Variants in AKAP6 observed in about 807,000 individuals in gnomAD.
AKAP6 encodes the protein A-kinase anchor protein 6.
In AKAP6, 58 loss-of-function variants were observed where a neutral mutation model predicts 188.5. That is an observed-to-expected ratio of 0.31 (90% CI 0.25 to 0.38). The LOEUF (loss-of-function observed/expected upper bound fraction) is 0.38, where lower values mean the gene tolerates loss of function less well. AKAP6 is among the 10% of genes least tolerant of loss of function. AKAP6 has a pLI of 1.00. For synonymous variants in AKAP6, 989 were observed against 998.6 expected, an observed-to-expected ratio of 0.99 and a Z score of 0.18; for missense variants, 2,710 against 2,740.0, an observed-to-expected ratio of 0.99 and a Z score of 0.24.
At chr14:32,753,172 C>A (rs746239976) in intron 11 of AKAP6, among the ~76,000 whole-genome samples, 21 of 152,040 alleles carry the variant, frequency 1.4e-4, no homozygotes, top group Non-Finnish European at 3.1e-4. Flanking sequence ...CAACAGTGTA[C>A]AAGGGTTCCC....
intron 7 of AKAP6, among the ~76,000 whole-genome samples, chr14:32,601,636 C>T (rs1385766813): frequency 6.6e-6 from 1 of 152,160 alleles, no homozygotes; most frequent in Non-Finnish European, 1.5e-5. Context: ...CAGAATAAAA[C>T]TTATTGTAAC....
rs190207855 is a variant in AKAP6 at position 32,430,368 on chromosome 14, G to A, written c.-34-3092G>A. Among the ~76,000 whole-genome samples the A allele has an allele frequency of 7.9e-5, 12 of 152,240 alleles. No homozygotes were observed. In the East Asian group the frequency reaches 1.9e-3, roughly 25 times the overall value. On this transcript the variant is annotated intron_variant, in intron 1 of 13. Coordinates refer to ENST00000280979, the MANE Select transcript of AKAP6 (RefSeq NM_004274.5). ...TATAAAACTGCAGTGTGCTTAGTGCGTGGACTGATGGTATATATGGAAATG... is the reference window on the plus strand; with the variant it reads ...TATAAAACTGCAGTGTGCTTAGTGCATGGACTGATGGTATATATGGAAATG...
In AKAP6 at chr14:32,653,842, C is replaced by T. The variant is rs1476724646; in HGVS notation, c.2731-24469C>T. Among the ~76,000 whole-genome samples the T allele has an allele frequency of 2.0e-5, 3 of 152,080 alleles. No individual in the cohort carries two copies. In the East Asian group the frequency reaches 5.8e-4, roughly 29 times the overall value. The stretch of plus-strand genomic sequence containing the variant: ...ATATTGCCTCATTTTTATTTATAGT[C>T]ATGATTTGAGTTCAACAGAAAAACA... On this transcript the variant is annotated intron_variant, in intron 7 of 13. Coordinates refer to ENST00000280979, the MANE Select transcript of AKAP6 (RefSeq NM_004274.5).
At chr14:32,512,377 ATTACT>A (rs1881303987) in intron 2 of AKAP6, among the ~76,000 whole-genome samples, 1 of 152,206 alleles carries the variant, frequency 6.6e-6, no homozygotes, top group African/African-American at 2.4e-5. Context: ...GAGTTTAAAA[ATTACT>A]TTATAGACGA....
chr14:32,561,601 T>C (rs1341335782), intron 4 of AKAP6, among the ~76,000 whole-genome samples: 1 of 152,164 alleles, frequency 6.6e-6, no homozygotes, highest in East Asian at 1.9e-4. Flanking sequence ...TAATGGTAAG[T>C]GAATGTGAGG....
At chr14:32,402,411 T>C (rs1889126448) in intron 1 of AKAP6, among the ~76,000 whole-genome samples, 1 of 152,234 alleles carries the variant, frequency 6.6e-6, no homozygotes. Context: ...TTCAGGTAAG[T>C]GTTAAAATGA....
chr14:32,360,089 G>A (rs748746666), intron 1 of AKAP6, among the ~76,000 whole-genome samples: 1 of 151,840 alleles, frequency 6.6e-6, no homozygotes, highest in Non-Finnish European at 1.5e-5. Context: ...TAAATCTGGC[G>A]GGAGATATTT....
chr14:32,773,994 CTAA>C, intron 12 of AKAP6, 101 bp downstream of exon 12: 1 of 1,281,912 alleles, frequency 7.8e-7, no homozygotes, highest in Non-Finnish European at 1.1e-6. Context: ...AATGGTTTTA[CTAA>C]CTAACTTAAA....
intron 1 of AKAP6, among the ~76,000 whole-genome samples, chr14:32,364,164 A>G (rs1887751886): frequency 6.6e-6 from 1 of 152,180 alleles, no homozygotes; most frequent in Non-Finnish European, 1.5e-5. Flanking sequence ...TGCTTTTTGT[A>G]AAAGCTGAGC....
chr14:32,350,885 C>T (rs1277437810), intron 1 of AKAP6, among the ~76,000 whole-genome samples: 2 of 152,236 alleles, frequency 1.3e-5, no homozygotes, highest in East Asian at 3.9e-4. Context: ...GAACTCCAAG[C>T]CTACCCCATT....
chr14:32,501,601 A>G (rs764364271), intron 2 of AKAP6, among the ~76,000 whole-genome samples: 13 of 152,178 alleles, frequency 8.5e-5, no homozygotes, highest in Admixed American at 2.6e-4. Flanking sequence ...AGGTTTGGCG[A>G]GTACAGAGTA....
intron 2 of AKAP6, 136 bp downstream of exon 2, chr14:32,433,953 T>A: frequency 1.3e-6 from 1 of 753,528 alleles, no homozygotes; most frequent in Non-Finnish European, 2.1e-6. Flanking sequence ...CCATTATCTT[T>A]AGAGATAAAC....
At chr14:32,691,873 TTA>T in intron 8 of AKAP6, among the ~76,000 whole-genome samples, 1 of 152,334 alleles carries the variant, frequency 6.6e-6, no homozygotes, top group Middle Eastern at 3.4e-3. Flanking sequence ...TTTGCCACTG[TTA>T]TATGTTTGAT....
intron 12 of AKAP6, among the ~76,000 whole-genome samples, chr14:32,813,898 G>A (rs1413135459): frequency 6.7e-6 from 1 of 149,936 alleles, no homozygotes; most frequent in African/African-American, 2.5e-5. Context: ...TTTGCAGGGG[G>A]CGGTTGTTAT....
At chr14:32,539,546 A>G (rs770215284) in intron 3 of AKAP6, among the ~76,000 whole-genome samples, 1 of 152,204 alleles carries the variant, frequency 6.6e-6, no homozygotes. Context: ...AATAATACAG[A>G]TAATCCCTGC....
At chr14:32,508,357 G>A (rs554595096) in intron 2 of AKAP6, among the ~76,000 whole-genome samples, 1 of 152,158 alleles carries the variant, frequency 6.6e-6, no homozygotes, top group Non-Finnish European at 1.5e-5. Flanking sequence ...ATGGGAACAG[G>A]GTAGTTGAAA....
chr14:32,805,177 A>C (rs1184908127), intron 12 of AKAP6, among the ~76,000 whole-genome samples: 2 of 152,186 alleles, frequency 1.3e-5, no homozygotes, highest in African/African-American at 4.8e-5. Context: ...GAACTGATGA[A>C]TGTCCATGAA....
chr14:32,338,037 T>C (rs979788055), intron 1 of AKAP6, among the ~76,000 whole-genome samples: 1 of 151,820 alleles, frequency 6.6e-6, no homozygotes, highest in Non-Finnish European at 1.5e-5. Context: ...ACAAGACACG[T>C]TTTACTCTGT....
chr14:32,418,854 A>G (rs2138658002), intron 1 of AKAP6, among the ~76,000 whole-genome samples: 1 of 152,292 alleles, frequency 6.6e-6, no homozygotes, highest in Non-Finnish European at 1.5e-5. Flanking sequence ...TGCTTTTATT[A>G]TCTACCAGCT....
Sources: gnomAD v4.1 joint callset for allele counts (sites outside exome capture counted in the v4.1 genomes callset) on GRCh38, gnomAD v4.1.1 for gene constraint, MANE v1.5 for transcripts, NCBI Gene and HGNC (gene_info 2026-07-23, HGNC 2026-07-21) for gene names.